DDHD1: variants seen among roughly 807,000 people sequenced by gnomAD.
DDHD1 encodes the protein phospholipase DDHD1.
In DDHD1, 49 loss-of-function variants were observed where a neutral mutation model predicts 96.4. The ratio of observed to expected loss-of-function variants is 0.51; its 90% CI spans 0.40 to 0.64. The LOEUF (loss-of-function observed/expected upper bound fraction) is 0.64. Among genes scored for constraint, DDHD1 ranks in the 30% least tolerant of loss-of-function variants. The pLI, the probability that DDHD1 is intolerant of heterozygous loss-of-function variation, is 0.00. For missense variants in DDHD1, 1,106 were observed against 1,161.2 expected (o/e 0.95, Z 0.69); for synonymous variants, 442 against 446.5 (o/e 0.99, Z 0.13).
At chr14:53,126,909 A>G (rs1308928296) in intron 1 of DDHD1, among the ~76,000 whole-genome samples, 3 of 152,242 alleles carry the variant, frequency 2.0e-5, no homozygotes, top group Admixed American at 6.5e-5. Context: ...GTTACTAGTC[A>G]GGAGGATTAA....
chr14:53,122,618 C>T (rs1373556863), intron 1 of DDHD1, among the ~76,000 whole-genome samples: 1 of 143,148 alleles, frequency 7.0e-6, no homozygotes, highest in African/African-American at 2.5e-5. Flanking sequence ...CACACTATTG[C>T]CCAGGCTGGA....
chr14:53,105,992 G>A (rs1887662388), intron 1 of DDHD1, among the ~76,000 whole-genome samples: 1 of 151,878 alleles, frequency 6.6e-6, no homozygotes, highest in Non-Finnish European at 1.5e-5. Context: ...GTGTGTATGT[G>A]TGTGTGTTTT....
chr14:53,077,193 A>T (rs1270835022), intron 4 of DDHD1, among the ~76,000 whole-genome samples: 1 of 152,196 alleles, frequency 6.6e-6, no homozygotes, highest in African/African-American at 2.4e-5. Context: ...TGTTTTGGCG[A>T]GACTACTACT....
In DDHD1 at chr14:53,109,032, G is replaced by C. The variant is rs146533742; in HGVS notation, c.839-5176C>G. ...TAGGGTTCTTGGGTTCTTAGTTTAA[G>C]AGCATTCACTTCTGCAGATTAGTAA... On this transcript the variant is annotated intron_variant, in intron 1 of 12. Coordinates refer to ENST00000673822, the MANE Select transcript of DDHD1 (RefSeq NM_001160148.2). Among the ~76,000 whole-genome samples, 968 of 152,238 alleles carry C rather than the reference G, an allele frequency of 6.4e-3. 15 individuals carry two copies. The highest frequency in any genetic ancestry group is 0.022 in the African/African-American group (914 of 41,524).
intron 1 of DDHD1, among the ~76,000 whole-genome samples, chr14:53,121,741 C>T (rs140306719): frequency 7.6e-4 from 115 of 152,144 alleles, no homozygotes; most frequent in African/African-American, 2.7e-3. Flanking sequence ...CACATGGATA[C>T]AGGGAGGAGA....
At position 53,098,309 on chromosome 14, in the gene DDHD1, A is replaced by C. The variant is rs141554069; in HGVS notation, c.1013-4865T>G. 1.4e-3 allele frequency among the ~76,000 whole-genome samples: 215 copies of C among 152,214 alleles called. 1 individual carries two copies. The highest frequency in any genetic ancestry group is 5.0e-3 in the African/African-American group (207 of 41,568). On this transcript the variant is annotated intron_variant, in intron 2 of 12. Transcript: ENST00000673822. The stretch of plus-strand genomic sequence containing the variant: ...CATAGCAATGAAAAAGATTTAAAAT[A>C]CTAAAAATATTTCCAATAAATTTCC...
chr14:53,120,963 G>A (rs1476880819), intron 1 of DDHD1, among the ~76,000 whole-genome samples: 1 of 152,082 alleles, frequency 6.6e-6, no homozygotes, highest in Non-Finnish European at 1.5e-5. Context: ...TAATTAAAGA[G>A]CTTCTGCACA....
chr14:53,043,152 GAA>G lies in DDHD1; in HGVS notation c.*3614_*3615del, dbSNP rs899908699. On this transcript the variant is annotated 3_prime_UTR_variant, in exon 13 of 13. Transcript: ENST00000673822. ...CTACTGTCTAGGTGATGCAAAGCTG[GAA>G]TATGGTGTGTTAAATTTTCTGCAGA... The G allele has an allele frequency of 4.6e-5, 7 of 152,158 alleles. No homozygotes were observed. Among genetic ancestry groups the G allele is most frequent in the Non-Finnish European group, 8.8e-5 (6 of 68,036 alleles). 9.4% of individuals were successfully genotyped at this position (152,158 alleles called of 1,614,324 possible). A position where few individuals can be genotyped will look rare whatever the true frequency, so the allele number is the denominator to read the frequency against.
intron 9 of DDHD1, among the ~76,000 whole-genome samples, chr14:53,056,441 T>C (rs1595092604): frequency 6.6e-6 from 1 of 152,330 alleles, no homozygotes; most frequent in East Asian, 1.9e-4. Flanking sequence ...ATCACTTATT[T>C]TTTAATTTAC....
chr14:53,138,521 G>A (rs1890406233), intron 1 of DDHD1, among the ~76,000 whole-genome samples: 1 of 152,186 alleles, frequency 6.6e-6, no homozygotes, highest in Non-Finnish European at 1.5e-5. Flanking sequence ...GTATGACAAT[G>A]GCAAAACGGC....
intron 1 of DDHD1, among the ~76,000 whole-genome samples, chr14:53,138,313 G>A (rs993837210): frequency 1.3e-5 from 2 of 152,182 alleles, no homozygotes; most frequent in African/African-American, 2.4e-5. Context: ...GCTGAGGCAG[G>A]AGAATTGCTT....
In DDHD1 at chr14:53,149,314, A is replaced by G. The variant is rs1397338510; in HGVS notation, c.838+2947T>C. ...AAATGGCCAATGGATTCATACCACC[A>G]TTCTACATAGGAACTTACTGGACAT... On this transcript the variant is annotated intron_variant, in intron 1 of 12. Transcript: ENST00000673822. Among the ~76,000 whole-genome samples, 3 of 152,380 alleles carry G rather than the reference A, an allele frequency of 2.0e-5. No individual in the cohort carries two copies. In the East Asian group the frequency reaches 5.8e-4, roughly 29 times the overall value.
chr14:53,147,021 G>C (rs1431240368), intron 1 of DDHD1, among the ~76,000 whole-genome samples: 1 of 150,710 alleles, frequency 6.6e-6, no homozygotes, highest in Non-Finnish European at 1.5e-5. Flanking sequence ...AGATTCCCTA[G>C]TTATTAGGAA....
chr14:53,153,145 C>A lies in DDHD1; in HGVS notation c.-47G>T. On this transcript the variant is annotated 5_prime_UTR_variant, in exon 1 of 13. Transcript: ENST00000673822. ...GTCCGGCGGCGCGCGGAGCCGTGAC[C>A]CCCAGCGCTTCCGCCACACATTCAA... 1.5e-6 allele frequency: 2 copies of A among 1,339,852 alleles called. No homozygotes were observed. Among genetic ancestry groups the A allele is most frequent in the Non-Finnish European group, 1.9e-6 (2 of 1,046,754 alleles). The allele number at this position is 1,339,852 out of a possible 1,614,324, so 83.0% of individuals were successfully genotyped here.
chr14:53,151,701 C>T (rs929492943), intron 1 of DDHD1, among the ~76,000 whole-genome samples: 3 of 152,192 alleles, frequency 2.0e-5, no homozygotes, highest in Non-Finnish European at 4.4e-5. Flanking sequence ...ACCGAGGGAG[C>T]GGAGCCACTT....
At chr14:53,128,095 C>G (rs1171458855) in intron 1 of DDHD1, among the ~76,000 whole-genome samples, 1 of 152,174 alleles carries the variant, frequency 6.6e-6, no homozygotes, top group African/African-American at 2.4e-5. Context: ...CTCTCTCCTC[C>G]TACCATGTGA....
intron 1 of DDHD1, among the ~76,000 whole-genome samples, chr14:53,134,770 T>C (rs1049733458): frequency 2.0e-5 from 3 of 152,190 alleles, no homozygotes; most frequent in Non-Finnish European, 4.4e-5. Flanking sequence ...TTGGATGTCC[T>C]GGGTACTCCC....
At chr14:53,047,990 C>A (rs1266364712) in intron 12 of DDHD1, among the ~76,000 whole-genome samples, 2 of 152,098 alleles carry the variant, frequency 1.3e-5, no homozygotes, top group Non-Finnish European at 1.5e-5. Flanking sequence ...AAGAGTAAAA[C>A]TGGCACAAAT....
intron 6 of DDHD1, among the ~76,000 whole-genome samples, chr14:53,066,979 T>C: frequency 6.7e-6 from 1 of 149,532 alleles, no homozygotes; most frequent in Non-Finnish European, 1.5e-5. Flanking sequence ...AAAAAAAGTT[T>C]GCCCACCTCT....
Sources: gnomAD v4.1 joint callset for allele counts (sites outside exome capture counted in the v4.1 genomes callset) on GRCh38, gnomAD v4.1.1 for gene constraint, MANE v1.5 for transcripts, NCBI Gene and HGNC (gene_info 2026-07-23, HGNC 2026-07-21) for gene names.